GAGE10: variants seen among roughly 807,000 people sequenced by gnomAD.
GAGE10 encodes the protein G antigen 10.
Under a neutral mutation model 11.5 loss-of-function variants are expected in GAGE10, and 9 were observed. That is an observed-to-expected ratio of 0.78 (90% CI 0.47 to 1.37). The LOEUF (loss-of-function observed/expected upper bound fraction) is 1.37, where lower values mean the gene tolerates loss of function less well. Ranked by LOEUF, GAGE10 falls within the 40% of genes most tolerant of loss-of-function variation. The pLI, the probability that GAGE10 is intolerant of heterozygous loss-of-function variation, is 0.00. For missense variants in GAGE10, 83 were observed against 92.9 expected, an observed-to-expected ratio of 0.89 and a Z score of 0.44; for synonymous variants, 23 against 29.7, an observed-to-expected ratio of 0.77 and a Z score of 0.73.
chrX:49,314,226 C>T (rs4824757), intron 3 of GAGE10, among the ~76,000 whole-genome samples: 48,618 of 110,701 alleles, frequency 0.44, 9,062 homozygotes, highest in Non-Finnish European at 0.59. Flanking sequence ...TAAAAAATAC[C>T]ATAGTTAAAA....
intron 3 of GAGE10, 69 bp from the exon 4 acceptor site, chrX:49,317,094 T>G: frequency 3.7e-6 from 4 of 1,085,400 alleles, no homozygotes; most frequent in Non-Finnish European, 5.0e-6. Flanking sequence ...ACCGAGAGCA[T>G]GAATATTATT....
chrX:49,313,196 T>C (rs1409751665), intron 3 of GAGE10, among the ~76,000 whole-genome samples: 2 of 111,979 alleles, frequency 1.8e-5, no homozygotes, highest in Non-Finnish European at 3.8e-5. Flanking sequence ...GCAGAAGTAG[T>C]ACAAAAGCTG....
At chrX:49,306,140 GA>G (rs1260489118) in intron 3 of GAGE10, among the ~76,000 whole-genome samples, 1 of 111,471 alleles carries the variant, frequency 9.0e-6, no homozygotes, top group African/African-American at 3.3e-5. Flanking sequence ...TTTATGGTTA[GA>G]AAAAGCAAAA....
chrX:49,305,985 C>T (rs1220731736), intron 3 of GAGE10, among the ~76,000 whole-genome samples: 1 of 111,606 alleles, frequency 9.0e-6, no homozygotes, highest in Non-Finnish European at 1.9e-5. Context: ...CTCCAAAAAC[C>T]GAGTCACTGA....
At chrX:49,314,259 T>C (rs1557124988) in intron 3 of GAGE10, among the ~76,000 whole-genome samples, 3 of 112,222 alleles carry the variant, frequency 2.7e-5, no homozygotes, top group African/African-American at 3.2e-5. Context: ...ATACCTACTA[T>C]AAATGTACAG....
At chrX:49,311,322 G>A (rs781899233) in intron 3 of GAGE10, among the ~76,000 whole-genome samples, 20 of 112,479 alleles carry the variant, frequency 1.8e-4, no homozygotes, top group South Asian at 7.3e-4. Context: ...CTGCCTGTGC[G>A]CAAGCCAAAT....
intron 4 of GAGE10, among the ~76,000 whole-genome samples, 193 bp downstream of exon 4, chrX:49,317,481 G>A (rs1186077854): frequency 1.8e-5 from 2 of 111,568 alleles, no homozygotes; most frequent in African/African-American, 6.5e-5. Flanking sequence ...TCGCGGAGCT[G>A]GGCTTATGGA....
rs1349560546 is a variant in GAGE10, at chrX:49,304,711, T to G, written c.-8-141T>G. The G allele has an allele frequency of 2.0e-5, 17 of 845,783 alleles. No homozygotes were observed. In the African/African-American group the frequency reaches 2.8e-4, roughly 14 times the overall value. 69.7% of individuals were successfully genotyped at this position (845,783 alleles called of 1,213,427 possible). On this transcript the variant is annotated intron_variant, in intron 1 of 4. Transcript: ENST00000407599. ...TGGCTTTGTAGGCACTCAGAAAAGG[T>G]ACACACATATGCTTAACTCTGGGAC...
intron 3 of GAGE10, among the ~76,000 whole-genome samples, chrX:49,314,641 G>A (rs202012880): frequency 6.2e-5 from 7 of 112,282 alleles, no homozygotes; most frequent in Admixed American, 2.8e-4. Flanking sequence ...ACTCAAATGC[G>A]TCCAACCCCG....
At chrX:49,309,368 C>G (rs782400088) in intron 3 of GAGE10, among the ~76,000 whole-genome samples, 2 of 112,287 alleles carry the variant, frequency 1.8e-5, no homozygotes, top group South Asian at 3.7e-4. Context: ...GATGGCGGGC[C>G]GAAGGCACTA....
intron 3 of GAGE10, among the ~76,000 whole-genome samples, chrX:49,316,409 A>G (rs1403630690): frequency 3.6e-5 from 4 of 112,120 alleles, no homozygotes; most frequent in Non-Finnish European, 5.6e-5. Context: ...AAATGCTTAA[A>G]AGGTAGCTTC....
intron 1 of GAGE10, among the ~76,000 whole-genome samples, chrX:49,304,479 G>A (rs1557123803): frequency 8.8e-6 from 1 of 113,007 alleles, no homozygotes; most frequent in East Asian, 2.8e-4. Context: ...CATGGCCTGC[G>A]CCTGTAGTCC....
intron 4 of GAGE10, 116 bp downstream of exon 4, chrX:49,317,404 G>C: frequency 9.6e-7 from 1 of 1,044,519 alleles, no homozygotes; most frequent in Admixed American, 2.7e-5. Flanking sequence ...CTGGAGTGCA[G>C]TGGTGGCATC....
chrX:49,315,812 G>C (rs782264699), intron 3 of GAGE10, among the ~76,000 whole-genome samples: 1 of 111,753 alleles, frequency 8.9e-6, no homozygotes, highest in African/African-American at 3.3e-5. Flanking sequence ...AACTCTCATT[G>C]GTGGGTTTTT....
chrX:49,312,946 G>A (rs1262170748), intron 3 of GAGE10, among the ~76,000 whole-genome samples: 4 of 112,284 alleles, frequency 3.6e-5, no homozygotes, highest in Admixed American at 1.9e-4. Flanking sequence ...TCGACTTCCC[G>A]GAATTCAGGA....
chrX:49,305,231 T>C (rs2869210), intron 2 of GAGE10, among the ~76,000 whole-genome samples, 173 bp from the exon 3 acceptor site: 81 of 111,877 alleles, frequency 7.2e-4, no homozygotes, highest in Admixed American at 1.7e-3. Context: ...ACTTTTCTCA[T>C]AGTAACCTTC....
At position 49,317,263 on chromosome X, in the gene GAGE10, A is replaced by AGAGG. The variant is rs1557125393; in HGVS notation, c.304_307dup (p.Glu103GlyfsTer7). On this transcript the variant is annotated frameshift_variant, in exon 4 of 5. Coordinates refer to ENST00000407599, the MANE Select transcript of GAGE10 (RefSeq NM_001098413.4). LOFTEE classifies it high-confidence loss of function. ...GCCAGGAGATGGGCCTGCCAAATCC[A>AGAGG]GAGGAGGTGAAAAGGCCTGAAGAAG... The AGAGG allele has an allele frequency of 8.3e-7, 1 of 1,207,261 alleles. No individual in the cohort carries two copies. The highest frequency in any genetic ancestry group is 2.2e-5 in the Admixed American group (1 of 45,885).
chrX:49,317,031 G>T (rs1322683781), intron 3 of GAGE10, 132 bp from the exon 4 acceptor site: 4 of 846,914 alleles, frequency 4.7e-6, no homozygotes, highest in Non-Finnish European at 6.4e-6. Flanking sequence ...ATGTTCATGG[G>T]ATTCTTATCA....
At chrX:49,306,910 A>T (rs1342289863) in intron 3 of GAGE10, among the ~76,000 whole-genome samples, 1 of 112,005 alleles carries the variant, frequency 8.9e-6, no homozygotes, top group African/African-American at 3.2e-5. Context: ...GTTTGTGCCT[A>T]GTTGCTGGTA....
Sources: gnomAD v4.1 joint callset for allele counts (sites outside exome capture counted in the v4.1 genomes callset) on GRCh38, gnomAD v4.1.1 for gene constraint, MANE v1.5 for transcripts, NCBI Gene and HGNC (gene_info 2026-07-23, HGNC 2026-07-21) for gene names.